SERPINB9: variants seen among roughly 807,000 people sequenced by gnomAD.
The protein encoded by SERPINB9 is serpin family B member 9.
SERPINB9 carries 20 observed loss-of-function variants against 27.2 expected under a neutral mutation model. That is an observed-to-expected ratio of 0.74 (90% CI 0.52 to 1.07). SERPINB9 has a LOEUF of 1.07. Ranked by LOEUF, SERPINB9 falls within the 50% of genes least tolerant of loss-of-function variation. The probability of loss-of-function intolerance (pLI) is 0.00; values close to 1 mark genes in which losing one functional copy is unlikely to be tolerated. For missense variants in SERPINB9, 476 were observed against 460.1 expected, an observed-to-expected ratio of 1.03 and a Z score of -0.32; for synonymous variants, 189 against 180.0, an observed-to-expected ratio of 1.05 and a Z score of -0.40.
In SERPINB9 at chr6:2,889,911, T is replaced by G; in HGVS notation, c.*252A>C. The stretch of plus-strand genomic sequence containing the variant: ...AATTCTAGAAGAACTTTGCTTGCCA[T>G]CCTATGGGATTTGGACTGCAATTTT... On this transcript the variant is annotated 3_prime_UTR_variant, in exon 7 of 7. Transcript: ENST00000380698. 7.8e-6 allele frequency: 3 copies of G among 384,204 alleles called. No individual in the cohort carries two copies. Among genetic ancestry groups the G allele is most frequent in the Non-Finnish European group, 1.4e-5 (3 of 212,538 alleles). 23.8% of individuals were successfully genotyped at this position (384,204 alleles called of 1,614,324 possible).
chr6:2,896,402 AT>A (rs953636878), intron 2 of SERPINB9, among the ~76,000 whole-genome samples: 18 of 152,318 alleles, frequency 1.2e-4, no homozygotes, highest in African/African-American at 4.3e-4. Flanking sequence ...CAAAAGGAAA[AT>A]ATAAATGTAC....
chr6:2,889,145 G>A lies in SERPINB9; in HGVS notation c.*1018C>T, dbSNP rs1314212487. On this transcript the variant is annotated 3_prime_UTR_variant, in exon 7 of 7. Coordinates refer to ENST00000380698, the MANE Select transcript of SERPINB9 (RefSeq NM_004155.6). ...GAAGAATTTGAAGTGAGCTTTAAGG[G>A]TTGAATGGAATTTTTACTGTTAGAG... is the stretch of plus-strand genomic sequence containing the variant. The A allele has an allele frequency of 3.9e-5, 6 of 152,152 alleles. No individual in the cohort carries two copies. The highest frequency in any genetic ancestry group is 1.9e-4 in the East Asian group (1 of 5,198). 9.4% of individuals were successfully genotyped at this position (152,152 alleles called of 1,614,324 possible). A position where few individuals can be genotyped will look rare whatever the true frequency, so the allele number is the denominator to read the frequency against.
intron 2 of SERPINB9, among the ~76,000 whole-genome samples, chr6:2,896,624 A>G (rs1310933325): frequency 6.6e-6 from 1 of 152,262 alleles, no homozygotes; most frequent in Non-Finnish European, 1.5e-5. Flanking sequence ...ACATGTGTGT[A>G]TATTAAATAT....
chr6:2,900,885 T>TCTCACTCACACACACACACACACA (rs61100591), intron 1 of SERPINB9, among the ~76,000 whole-genome samples: 1 of 141,482 alleles, frequency 7.1e-6, no homozygotes, highest in Non-Finnish European at 1.5e-5. Context: ...GCTCGCTCTC[T>TCTCACTCACACACACACACACACA]CACACACACA....
chr6:2,893,193 T>TATATATATATTATATATACGTATATATA (rs1767875639), intron 5 of SERPINB9, among the ~76,000 whole-genome samples: 1 of 123,352 alleles, frequency 8.1e-6, no homozygotes, highest in African/African-American at 3.5e-5. Flanking sequence ...ACTACATATA[T>TATATATATATTATATATACGTATATATA]ATATATATAT....
At chr6:2,901,972 G>A (rs1188958787) in intron 1 of SERPINB9, among the ~76,000 whole-genome samples, 2 of 152,016 alleles carry the variant, frequency 1.3e-5, no homozygotes, top group East Asian at 1.9e-4. Flanking sequence ...CTCAGAAAGC[G>A]GTGTCTTAAT....
At chr6:2,900,695 A>G (rs1229316370) in intron 1 of SERPINB9, 74 bp from the exon 2 acceptor site, 6 of 1,273,050 alleles carry the variant, frequency 4.7e-6, no homozygotes, top group Non-Finnish European at 6.6e-6. Context: ...CTACAGGGCA[A>G]TTTTGGAATC....
At chr6:2,898,595 A>G (rs1768082467) in intron 2 of SERPINB9, among the ~76,000 whole-genome samples, 1 of 152,234 alleles carries the variant, frequency 6.6e-6, no homozygotes, top group African/African-American at 2.4e-5. Context: ...AGGCGGGTGG[A>G]TCACGAGGTC....
chr6:2,899,907 T>C, intron 2 of SERPINB9: 2 of 456,640 alleles, frequency 4.4e-6, no homozygotes, highest in Non-Finnish European at 8.8e-6. Context: ...TCTTGAATCA[T>C]TTCCACAGGT....
At chr6:2,895,338 G>T in intron 4 of SERPINB9, 53 bp downstream of exon 4, 2 of 1,182,908 alleles carry the variant, frequency 1.7e-6, no homozygotes, top group Non-Finnish European at 2.5e-6. Flanking sequence ...AATAGGAAGA[G>T]CCGCAGGAGG....
rs1299153840 is a variant in SERPINB9 at position 2,889,045 on chromosome 6, A to G, written c.*1118T>C. 1 of 152,248 alleles carries G rather than the reference A, an allele frequency of 6.6e-6. No homozygotes were observed. The highest frequency in any genetic ancestry group is 1.5e-5 in the Non-Finnish European group (1 of 68,048). 9.4% of individuals were successfully genotyped at this position (152,248 alleles called of 1,614,324 possible). ...TAATAAAAATAAAAGAACTACCACG[A>G]AAGAAGTGCCCTCCAAGTACAAAGA... On this transcript the variant is annotated 3_prime_UTR_variant, in exon 7 of 7. Transcript: ENST00000380698.
chr6:2,890,169 C>T lies in SERPINB9; in HGVS notation c.1125G>A (p.Ser375=), dbSNP rs376915869. 79 of 1,611,840 alleles carry T rather than the reference C, an allele frequency of 4.9e-5. 1 individual carries two copies. The highest frequency in any genetic ancestry group is 1.8e-4 in the East Asian group (8 of 44,816). The change falls in exon 7 of 7, where the codon TCG becomes TCA. Residue 375 remains serine (S), a synonymous_variant. Coordinates refer to ENST00000380698, the MANE Select transcript of SERPINB9 (RefSeq NM_004155.6). This position sits in a 1 kb window ranked among gnomAD's most constrained non-coding sequence, Gnocchi z 6.2. ...NSILFCGRFS[S]P ...TGCACGGTAAGTGCACCCTTTATGG[C>T]GATGAGAACCTGCCACAGAACAGAA...
intron 1 of SERPINB9, among the ~76,000 whole-genome samples, chr6:2,901,586 G>T (rs897234643): frequency 1.1e-4 from 17 of 152,170 alleles, no homozygotes; most frequent in African/African-American, 4.1e-4. Context: ...ATGTGAGGGG[G>T]TGGGTCTCTT....
At chr6:2,902,022 G>A (rs1264199671) in intron 1 of SERPINB9, among the ~76,000 whole-genome samples, 1 of 151,962 alleles carries the variant, frequency 6.6e-6, no homozygotes, top group African/African-American at 2.4e-5. Context: ...GGGCCCTTAG[G>A]CCCCTCAAAG....
chr6:2,890,668 T>C lies in SERPINB9; in HGVS notation c.724-98A>G, dbSNP rs1467550604. On this transcript the variant is annotated intron_variant, in intron 6 of 6. Transcript: ENST00000380698. This position sits in a 1 kb window ranked among gnomAD's most constrained non-coding sequence, Gnocchi z 6.2. ...CCCTTCCTCCCCTTGCACGTAGGTG[T>C]TGTTTGTTCACATAGGATCAGTGGC... 1 of 1,208,018 alleles carries C rather than the reference T, an allele frequency of 8.3e-7. No homozygotes were observed. Among genetic ancestry groups the C allele is most frequent in the Non-Finnish European group, 1.2e-6 (1 of 854,082 alleles). The allele number at this position is 1,208,018 out of a possible 1,614,324, so 74.8% of individuals were successfully genotyped here. A position where few individuals can be genotyped will look rare whatever the true frequency, so the allele number is the denominator to read the frequency against.
chr6:2,896,142 G>A lies in SERPINB9; in HGVS notation c.217C>T (p.Leu73Phe), dbSNP rs1460932325. 1 of 1,614,110 alleles carries A rather than the reference G, an allele frequency of 6.2e-7. No individual in the cohort carries two copies. The highest frequency in any genetic ancestry group is 1.7e-5 in the Admixed American group (1 of 60,004). Residue 73 changes from leucine (L) to phenylalanine (F), a missense_variant, in exon 3 of 7, where the codon CTT becomes TTT. By Grantham distance (22) the Leu-to-Phe change is conservative. Transcript: ENST00000380698. The stretch of plus-strand genomic sequence containing the variant: ...CCAGCCTTGTTCACTTCAGTGAGAA[G>A]CGACTGGAAAGCCCGATGAATGTCT... ...EEDIHRAFQS[L>F]LTEVNKAGTQ...
chr6:2,901,837 G>A (rs1388661336), intron 1 of SERPINB9, among the ~76,000 whole-genome samples: 2 of 151,808 alleles, frequency 1.3e-5, no homozygotes, highest in African/African-American at 4.8e-5. Flanking sequence ...TCTCCCTAGA[G>A]CCACTCCCCA....
At position 2,900,556 on chromosome 6, in the gene SERPINB9, A is replaced by G. The variant is rs778179591; in HGVS notation, c.56T>C (p.Leu19Pro). Reference protein sequence around the residue: ...GTFAIRLLKILCQDNPSHNVF... With the variant: ...GTFAIRLLKIPCQDNPSHNVF... Reference sequence around the variant, plus strand: ...GTTGTGCGAAGGGTTATCTTGACACAGTATCTTTAAAAGGCGTATGGCAAA... The same window carrying G: ...GTTGTGCGAAGGGTTATCTTGACACGGTATCTTTAAAAGGCGTATGGCAAA... The change falls in exon 2 of 7, where the codon CTG becomes CCG. Residue 19 changes from leucine to proline, a missense_variant. Physicochemically the swap from Leu to Pro is moderately conservative, Grantham distance 98 (BLOSUM62 -3). Transcript: ENST00000380698. 7 of 1,614,080 alleles carry G rather than the reference A, an allele frequency of 4.3e-6. No homozygotes were observed. In the East Asian group the frequency reaches 1.1e-4, roughly 26 times the overall value.
chr6:2,890,379 C>G lies in SERPINB9; in HGVS notation c.915G>C (p.Ala305=). The change falls in exon 7 of 7, where the codon GCG becomes GCC. Residue 305 remains alanine, a synonymous_variant. Coordinates refer to ENST00000380698, the MANE Select transcript of SERPINB9 (RefSeq NM_004155.6). The surrounding 1 kb of genome is among the most constrained non-coding windows in gnomAD (Gnocchi z 6.2). The part of the protein sequence containing the change: ...QGKADLSAMS[A]ERDLCLSKFV... The stretch of plus-strand genomic sequence containing the variant: ...ACTTGGACAGACACAGGTCTCTCTC[C>G]GCTGACATTGCCGACAAGTCAGCCT... 1 of 1,614,210 alleles carries G rather than the reference C, an allele frequency of 6.2e-7. No homozygotes were observed. The highest frequency in any genetic ancestry group is 8.5e-7 in the Non-Finnish European group (1 of 1,180,042).
Sources: allele counts gnomAD v4.1 joint callset (sites outside exome capture counted in the v4.1 genomes callset), GRCh38; gene constraint gnomAD v4.1.1; non-coding constraint Gnocchi (gnomAD v3.1); transcripts MANE v1.5; gene names NCBI Gene and HGNC (gene_info 2026-07-23, HGNC 2026-07-21).